The following C8orf34 variants were observed in gnomAD, a reference collection of about 807,000 sequenced individuals.
C8orf34 encodes uncharacterized protein C8orf34.
A neutral mutation model predicts 68.3 loss-of-function variants in C8orf34; 65 were observed. The observed-to-expected ratio is 0.95, with a 90% CI of 0.78 to 1.17. The LOEUF is 1.17. Ranked by LOEUF, C8orf34 falls within the 50% of genes most tolerant of loss-of-function variation. The probability of loss-of-function intolerance (pLI) is 0.00; values close to 1 mark genes in which losing one functional copy is unlikely to be tolerated. For synonymous variants in C8orf34, 244 were observed against 241.2 expected (o/e 1.01, Z -0.11); for missense variants, 664 against 655.4 (o/e 1.01, Z -0.14).
At chr8:68,523,084 G>T (rs940976038) in intron 6 of C8orf34, among the ~76,000 whole-genome samples, 2 of 152,146 alleles carry the variant, frequency 1.3e-5, no homozygotes, top group Non-Finnish European at 2.9e-5. Context: ...CTATTTCCAT[G>T]AGAAATAACT....
At position 68,425,698 on chromosome 8, in the gene C8orf34, G is replaced by A. The variant is rs901871662; in HGVS notation, c.328-13801G>A. On this transcript the variant is annotated intron_variant, in intron 1 of 13. Coordinates refer to ENST00000518698, the MANE Select transcript of C8orf34 (RefSeq NM_052958.4). ...ACTTACTCTATACTTTATATGAAAAGAGCCTAGAATAGCCAAAACAGTTTT... is the reference window on the plus strand; with the variant it reads ...ACTTACTCTATACTTTATATGAAAAAAGCCTAGAATAGCCAAAACAGTTTT... 6.8e-5 allele frequency among the ~76,000 whole-genome samples: 10 copies of A among 146,264 alleles called. No homozygotes were observed. The Middle Eastern group carries it at 0.014, about 205-fold the overall frequency.
In C8orf34 at chr8:68,331,061, C is replaced by T. The variant is rs963081175; in HGVS notation, c.49C>T (p.Pro17Ser). The change falls in exon 1 of 14, where the codon CCA becomes TCA. Residue 17 changes from proline (P) to serine (S), a missense_variant. By Grantham distance (74) the Pro-to-Ser change is moderately conservative. Coordinates refer to ENST00000518698, the MANE Select transcript of C8orf34 (RefSeq NM_052958.4). ...GTTGTCTGAGTTGGCGGCGCTGCGC[C>T]CAGGCTTCCGGCTCTCAGCGCCCCA... ...SELSELAALR[P>S]GFRLSAPHAR... is the part of the protein sequence containing the mutation. 1 of 1,482,902 alleles carries T rather than the reference C, an allele frequency of 6.7e-7. No individual in the cohort carries two copies. The highest frequency in any genetic ancestry group is 1.5e-5 in the African/African-American group (1 of 67,710). 91.9% of individuals were successfully genotyped at this position (1,482,902 alleles called of 1,614,324 possible). A position where few individuals can be genotyped will look rare whatever the true frequency, so the allele number is the denominator to read the frequency against.
chr8:68,703,191 T>A (rs917440362), intron 8 of C8orf34, among the ~76,000 whole-genome samples: 8 of 152,176 alleles, frequency 5.3e-5, no homozygotes, highest in African/African-American at 1.9e-4. Context: ...ATAGGCTCTG[T>A]GATAGGTACA....
At chr8:68,774,033 C>T (rs1285712624) in intron 10 of C8orf34, among the ~76,000 whole-genome samples, 1 of 152,184 alleles carries the variant, frequency 6.6e-6, no homozygotes, top group Non-Finnish European at 1.5e-5. Context: ...TCTCCAGCAT[C>T]TCTCACTGTT....
intron 8 of C8orf34, among the ~76,000 whole-genome samples, chr8:68,693,515 G>A (rs1820741453): frequency 6.6e-6 from 1 of 152,068 alleles, no homozygotes; most frequent in Admixed American, 6.6e-5. Flanking sequence ...GTGCATGAGA[G>A]GAATATCAGG....
intron 7 of C8orf34, among the ~76,000 whole-genome samples, chr8:68,573,525 G>A (rs956650443): frequency 4.6e-5 from 7 of 152,086 alleles, no homozygotes; most frequent in African/African-American, 1.7e-4. Flanking sequence ...AGATTTATTC[G>A]TTGTACTAAT....
At chr8:68,804,639 G>T (rs532099357) in intron 12 of C8orf34, among the ~76,000 whole-genome samples, 1 of 152,062 alleles carries the variant, frequency 6.6e-6, no homozygotes, top group East Asian at 1.9e-4. Flanking sequence ...TTAAAATTAG[G>T]TGCATATCTG....
At chr8:68,621,966 C>T (rs549572583) in intron 7 of C8orf34, among the ~76,000 whole-genome samples, 1 of 152,334 alleles carries the variant, frequency 6.6e-6, no homozygotes, top group African/African-American at 2.4e-5. Flanking sequence ...CTACTTCAGG[C>T]CATCTCACAT....
chr8:68,420,875 GA>G (rs10709157), intron 1 of C8orf34, among the ~76,000 whole-genome samples: 39,543 of 143,776 alleles, frequency 0.28, 6,218 homozygotes, highest in African/African-American at 0.44. Context: ...CAAAATCATG[GA>G]AAAAAAAAAA....
chr8:68,637,112 C>T (rs1250939722), intron 7 of C8orf34, among the ~76,000 whole-genome samples: 12 of 152,168 alleles, frequency 7.9e-5, no homozygotes, highest in South Asian at 2.1e-4. Flanking sequence ...GGTACATATA[C>T]CACCATGACT....
At chr8:68,676,325 C>A (rs1021524640) in intron 8 of C8orf34, among the ~76,000 whole-genome samples, 4 of 151,762 alleles carry the variant, frequency 2.6e-5, no homozygotes, top group African/African-American at 7.3e-5. Flanking sequence ...CACAGTGAGA[C>A]CCTCTCCAAA....
At chr8:68,463,193 G>T (rs1811930795) in intron 3 of C8orf34, among the ~76,000 whole-genome samples, 2 of 152,170 alleles carry the variant, frequency 1.3e-5, no homozygotes, top group Admixed American at 1.3e-4. Context: ...AAATCTAGAA[G>T]AAATGGATAA....
rs547171951 is a variant in C8orf34, at chr8:68,436,504, A to T, written c.328-2995A>T. ...GTCCACAAACATTTTGTTTCAGGGC[A>T]GGAGTGCTCTTATCACTTTGTTGTT... is the stretch of plus-strand genomic sequence containing the variant. On this transcript the variant is annotated intron_variant, in intron 1 of 13. Transcript: ENST00000518698. 6.6e-5 allele frequency among the ~76,000 whole-genome samples: 10 copies of T among 152,278 alleles called. No individual in the cohort carries two copies. The East Asian group carries it at 1.9e-3, about 29-fold the overall frequency.
chr8:68,708,126 A>C (rs1335787205), intron 8 of C8orf34, among the ~76,000 whole-genome samples: 1 of 152,194 alleles, frequency 6.6e-6, no homozygotes, highest in African/African-American at 2.4e-5. Flanking sequence ...TAATTTTCTT[A>C]TACAATACAG....
At chr8:68,770,933 CTG>C (rs1823319542) in intron 10 of C8orf34, among the ~76,000 whole-genome samples, 2 of 152,132 alleles carry the variant, frequency 1.3e-5, no homozygotes. Flanking sequence ...TAAAATGCCA[CTG>C]TGTTTTTGTC....
chr8:68,479,412 A>G (rs1414626618), intron 4 of C8orf34, among the ~76,000 whole-genome samples: 2 of 24,718 alleles, frequency 8.1e-5, no homozygotes, highest in East Asian at 0.021. Context: ...ACAGTGAGAG[A>G]GAGAGAGAGA....
chr8:68,615,898 C>T (rs1432655746), intron 7 of C8orf34, among the ~76,000 whole-genome samples: 92 of 151,110 alleles, frequency 6.1e-4, no homozygotes, highest in African/African-American at 2.2e-3. Flanking sequence ...TGGTAGAATT[C>T]GGCTGTGAAT....
intron 7 of C8orf34, among the ~76,000 whole-genome samples, chr8:68,566,490 C>T (rs1342183263): frequency 6.6e-6 from 1 of 152,210 alleles, no homozygotes; most frequent in African/African-American, 2.4e-5. Flanking sequence ...GCTGCAGCTT[C>T]TACATGAGCA....
chr8:68,806,194 G>C (rs947788066), intron 12 of C8orf34, among the ~76,000 whole-genome samples: 1 of 151,634 alleles, frequency 6.6e-6, no homozygotes, highest in African/African-American at 2.4e-5. Flanking sequence ...ACACCATAAG[G>C]CTTTATTATT....
Sources: gnomAD v4.1 joint callset for allele counts (sites outside exome capture counted in the v4.1 genomes callset) on GRCh38, gnomAD v4.1.1 for gene constraint, MANE v1.5 for transcripts, NCBI Gene and HGNC (gene_info 2026-07-23, HGNC 2026-07-21) for gene names.